Variants in KDELR2 observed in about 807,000 individuals in gnomAD.
KDELR2 encodes KDEL endoplasmic reticulum protein retention receptor 2, also known as ER lumen protein-retaining receptor 2.
KDELR2 carries 15 observed loss-of-function variants against 23.9 expected under a neutral mutation model. The observed-to-expected ratio is 0.63, with a 90% CI of 0.42 to 0.97. The LOEUF is 0.97. Ranked by LOEUF, KDELR2 falls within the 50% of genes least tolerant of loss-of-function variation. KDELR2 has a pLI of 0.00. For synonymous variants in KDELR2, 119 were observed against 106.2 expected (o/e 1.12, Z -0.74); for missense variants, 272 against 254.6 (o/e 1.07, Z -0.46).
At chr7:6,476,955 C>T (rs1403514138) in intron 1 of KDELR2, among the ~76,000 whole-genome samples, 2 of 152,172 alleles carry the variant, frequency 1.3e-5, no homozygotes, top group African/African-American at 2.4e-5. Flanking sequence ...TGGGCCCTGA[C>T]ACACAGCAGG....
intron 4 of KDELR2, among the ~76,000 whole-genome samples, chr7:6,464,149 A>AT (rs1037102955): frequency 2.4e-5 from 3 of 125,116 alleles, no homozygotes; most frequent in Non-Finnish European, 4.8e-5. Flanking sequence ...GTGAGCCAAG[A>AT]TTGTACCATT....
chr7:6,472,472 C>A (rs1785669359), intron 2 of KDELR2, among the ~76,000 whole-genome samples: 1 of 152,168 alleles, frequency 6.6e-6, no homozygotes, highest in South Asian at 2.1e-4. Context: ...ACCTGGGCAT[C>A]CTGAGGGGGA....
At chr7:6,463,994 C>T (rs1416779648) in intron 4 of KDELR2, among the ~76,000 whole-genome samples, 20 of 122,660 alleles carry the variant, frequency 1.6e-4, no homozygotes, top group African/African-American at 4.6e-4. Flanking sequence ...GTCGGGAGTT[C>T]GAGACCAGCC....
chr7:6,484,144 G>C lies in KDELR2; in HGVS notation c.-87C>G. The C allele has an allele frequency of 9.3e-7, 1 of 1,075,196 alleles. No individual in the cohort carries two copies. The highest frequency in any genetic ancestry group is 1.2e-6 in the Non-Finnish European group (1 of 844,836). 66.6% of individuals were successfully genotyped at this position (1,075,196 alleles called of 1,614,324 possible). A position where few individuals can be genotyped will look rare whatever the true frequency, so the allele number is the denominator to read the frequency against. ...GCGGCGGCCCCTGAGAGGAAGCGGC[G>C]AAGATGGCGAGATCGCCCGCGACGT... On this transcript the variant is annotated 5_prime_UTR_variant, in exon 1 of 5. Coordinates refer to ENST00000258739, the MANE Select transcript of KDELR2 (RefSeq NM_006854.4).
At chr7:6,478,244 C>T (rs1785797046) in intron 1 of KDELR2, among the ~76,000 whole-genome samples, 1 of 151,908 alleles carries the variant, frequency 6.6e-6, no homozygotes, top group Admixed American at 6.6e-5. Flanking sequence ...CAGCCTGGGG[C>T]TTAAGCGATT....
At chr7:6,476,846 G>A (rs929031335) in intron 1 of KDELR2, among the ~76,000 whole-genome samples, 5 of 152,140 alleles carry the variant, frequency 3.3e-5, no homozygotes, top group Non-Finnish European at 7.3e-5. Flanking sequence ...TGATGATGTG[G>A]TTCCTGCCTC....
chr7:6,466,441 G>A (rs1462063963), intron 3 of KDELR2, 118 bp from the exon 4 acceptor site: 21 of 1,276,280 alleles, frequency 1.6e-5, no homozygotes, highest in African/African-American at 6.0e-5. Flanking sequence ...GGGGCATGTC[G>A]GCCCAAAATA....
At chr7:6,469,050 C>T (rs1483087722) in intron 3 of KDELR2, among the ~76,000 whole-genome samples, 5 of 151,246 alleles carry the variant, frequency 3.3e-5, no homozygotes, top group Admixed American at 3.3e-4. Flanking sequence ...CTCCCGGGTT[C>T]ACGCCATTCT....
At chr7:6,478,043 A>G (rs560921723) in intron 1 of KDELR2, among the ~76,000 whole-genome samples, 6 of 152,230 alleles carry the variant, frequency 3.9e-5, no homozygotes, top group South Asian at 2.1e-4. Context: ...TAGAAAGGCT[A>G]TGCCAATTTA....
chr7:6,472,510 AT>A (rs1785670660), intron 2 of KDELR2, among the ~76,000 whole-genome samples: 1 of 152,132 alleles, frequency 6.6e-6, no homozygotes, highest in Non-Finnish European at 1.5e-5. Flanking sequence ...CACACCTCTA[AT>A]GCCTGCAGTT....
chr7:6,468,492 C>T (rs1270914981), intron 3 of KDELR2, among the ~76,000 whole-genome samples: 3 of 151,870 alleles, frequency 2.0e-5, no homozygotes, highest in South Asian at 2.1e-4. Flanking sequence ...CCACACCCAG[C>T]TAATTTTTGA....
chr7:6,469,688 C>G lies in KDELR2; in HGVS notation c.259G>C (p.Asp87His), dbSNP rs753480614. 1 of 1,614,072 alleles carries G rather than the reference C, an allele frequency of 6.2e-7. No homozygotes were observed. The highest frequency in any genetic ancestry group is 1.1e-5 in the South Asian group (1 of 91,080). The part of the protein sequence containing the change: ...LIYLKFKATY[D>H]GNHDTFRVEF... ...ACTCGGAAGGTATCATGATTTCCAT[C>G]GTAGGTTGCCTTAAATTTCAGGTAG... Residue 87 changes from aspartate to histidine, a missense_variant, in exon 3 of 5, where the codon GAT becomes CAT. Physicochemically the swap from Asp to His is moderately conservative, Grantham distance 81. Coordinates refer to ENST00000258739, the MANE Select transcript of KDELR2 (RefSeq NM_006854.4).
At chr7:6,470,575 G>A (rs555556357) in intron 2 of KDELR2, among the ~76,000 whole-genome samples, 77 of 152,228 alleles carry the variant, frequency 5.1e-4, no homozygotes, top group African/African-American at 1.7e-3. Flanking sequence ...AATTCATAAA[G>A]TAGTATACAA....
rs532532455 is a variant in KDELR2 at position 6,482,288 on chromosome 7, C to T, written c.91+1679G>A. 9 of 181,702 alleles carry T rather than the reference C, an allele frequency of 5.0e-5. No individual in the cohort carries two copies. The East Asian group carries it at 6.2e-4, about 12-fold the overall frequency. The allele number at this position is 181,702 out of a possible 1,614,324, so 11.3% of individuals were successfully genotyped here. Reference sequence around the variant, plus strand: ...TGCTGTGATTACAGGCATGAGCCATCGCGGCCGGCCCTCCTAAGGTTATTT... The same window carrying T: ...TGCTGTGATTACAGGCATGAGCCATTGCGGCCGGCCCTCCTAAGGTTATTT... On this transcript the variant is annotated intron_variant, in intron 1 of 4. Transcript: ENST00000258739.
chr7:6,476,958 A>G (rs542853106), intron 1 of KDELR2, among the ~76,000 whole-genome samples: 3 of 152,318 alleles, frequency 2.0e-5, no homozygotes, highest in Admixed American at 6.5e-5. Flanking sequence ...GCCCTGACAC[A>G]CAGCAGGACT....
intron 2 of KDELR2, among the ~76,000 whole-genome samples, chr7:6,472,756 A>C (rs143566158): frequency 1.6e-4 from 24 of 152,306 alleles, no homozygotes; most frequent in Non-Finnish European, 3.2e-4. Flanking sequence ...AATAGGATTC[A>C]GTTGAAATAT....
rs1554271485 is a variant in KDELR2, at chr7:6,469,512, CTGAACT to C, written c.351+78_351+83del. ...CCTCATGATCCACCCAAAGTGGAGGCTGAACTCCGCCTCGGCCTCCCAAAATGCTGG... is the reference window on the plus strand; with the variant it reads ...CCTCATGATCCACCCAAAGTGGAGGCCCGCCTCGGCCTCCCAAAATGCTGG... On this transcript the variant is annotated intron_variant, in intron 3 of 4. Transcript: ENST00000258739. The C allele has an allele frequency of 6.4e-5, 86 of 1,347,042 alleles. 1 individual carries two copies. Among genetic ancestry groups the C allele is most frequent in the South Asian group, 2.7e-4 (20 of 74,674 alleles). The allele number at this position is 1,347,042 out of a possible 1,614,324, so 83.4% of individuals were successfully genotyped here.
In KDELR2 at chr7:6,469,578, G is replaced by A. The variant is rs775627020; in HGVS notation, c.351+18C>T. ...CATGAGCCACCATGCCTGGCCCTAA[G>A]TAACCTTTTAAACTAACCTCAAGAG... On this transcript the variant is annotated intron_variant, in intron 3 of 4. Transcript: ENST00000258739. 3 of 1,610,444 alleles carry A rather than the reference G, an allele frequency of 1.9e-6. No homozygotes were observed. The African/African-American group carries it at 4.0e-5, about 22-fold the overall frequency.
chr7:6,467,163 T>C (rs1785520049), intron 3 of KDELR2, among the ~76,000 whole-genome samples: 1 of 152,158 alleles, frequency 6.6e-6, no homozygotes, highest in Non-Finnish European at 1.5e-5. Flanking sequence ...TACAGAGGTT[T>C]CTCCTGGACA....
Sources: gnomAD v4.1 joint callset for allele counts (sites outside exome capture counted in the v4.1 genomes callset) on GRCh38, gnomAD v4.1.1 for gene constraint, MANE v1.5 for transcripts, NCBI Gene and HGNC (gene_info 2026-07-23, HGNC 2026-07-21) for gene names.